The following ADAMTS4 variants were observed in gnomAD, a reference collection of about 807,000 sequenced individuals.
The protein encoded by ADAMTS4 is ADAM metallopeptidase with thrombospondin type 1 motif 4.
ADAMTS4 carries 38 observed loss-of-function variants against 66.7 expected under a neutral mutation model. That is an observed-to-expected ratio of 0.57 (90% CI 0.44 to 0.75). ADAMTS4 has a LOEUF of 0.75. Among genes scored for constraint, ADAMTS4 ranks in the 30% least tolerant of loss-of-function variants. The pLI is 0.00. For synonymous variants in ADAMTS4, 418 were observed against 461.5 expected, an observed-to-expected ratio of 0.91 and a Z score of 1.21; for missense variants, 1,014 against 1,116.7, an observed-to-expected ratio of 0.91 and a Z score of 1.31.
rs199819346 is a variant in ADAMTS4, at chr1:161,193,318, C to T, written c.1806G>A (p.Gly602=). 623 of 1,613,982 alleles carry T rather than the reference C, an allele frequency of 3.9e-4. 2 individuals carry two copies. Among genetic ancestry groups the T allele is most frequent in the Middle Eastern group, 6.6e-4 (4 of 6,058 alleles). ...TGTAGCGAGGAACCCAGTCCATGGG[C>T]CCTGGGAAGCTCTTGAAGAGGTCGG... is the stretch of plus-strand genomic sequence containing the variant. ...HRTDLFKSFP[G]PMDWVPRYTG... is the part of the protein sequence containing the mutation. Residue 602 remains glycine (G), a synonymous_variant, in exon 7 of 9, where the codon GGG becomes GGA. Coordinates refer to ENST00000367996, the MANE Select transcript of ADAMTS4 (RefSeq NM_005099.6). The surrounding 1 kb of genome is among the most constrained non-coding windows in gnomAD (Gnocchi z 4.4).
At position 161,185,944 on chromosome 1, in the gene ADAMTS4, C is replaced by G. The variant is rs760944250; in HGVS notation, c.*5194G>C. ...ATTGCTTCAACTTCCTCCCCCACCT[C>G]AAACACATACTCATGCACAACACTT... On this transcript the variant is annotated 3_prime_UTR_variant, in exon 9 of 9. Transcript: ENST00000367996. The G allele has an allele frequency of 6.6e-6, 1 of 152,264 alleles. No individual in the cohort carries two copies. Among genetic ancestry groups the G allele is most frequent in the Non-Finnish European group, 1.5e-5 (1 of 68,058 alleles). The allele number at this position is 152,264 out of a possible 1,614,324, so 9.4% of individuals were successfully genotyped here. A position where few individuals can be genotyped will look rare whatever the true frequency, so the allele number is the denominator to read the frequency against.
At chr1:161,197,023 G>A in intron 1 of ADAMTS4, 143 bp from the exon 2 acceptor site, 2 of 782,228 alleles carry the variant, frequency 2.6e-6, no homozygotes, top group Non-Finnish European at 4.0e-6. Flanking sequence ...CCTGACTCCT[G>A]GCGGGTCTTG....
chr1:161,194,312 T>A lies in ADAMTS4; in HGVS notation c.1262-91A>T, dbSNP rs1309558767. The A allele has an allele frequency of 3.2e-6, 4 of 1,258,730 alleles. No homozygotes were observed. Among genetic ancestry groups the A allele is most frequent in the Non-Finnish European group, 4.4e-6 (4 of 900,880 alleles). The allele number at this position is 1,258,730 out of a possible 1,614,324, so 78.0% of individuals were successfully genotyped here. On this transcript the variant is annotated intron_variant, in intron 4 of 8. Transcript: ENST00000367996. The surrounding 1 kb of genome is among the most constrained non-coding windows in gnomAD (Gnocchi z 4.1). Reference sequence around the variant, plus strand: ...AAAGCTTAGGCTCCCTGGGGCCTGATGGAGCCTAGAAAAACAATCCTAGGA... The same window carrying A: ...AAAGCTTAGGCTCCCTGGGGCCTGAAGGAGCCTAGAAAAACAATCCTAGGA...
In ADAMTS4 at chr1:161,193,906, T is replaced by C. The variant is rs764636689; in HGVS notation, c.1548+29A>G. ...GGCCAGTCCCCACACCCCCGGGCCC[T>C]TTACCCCACCCCTGCCCTAGGATCT... On this transcript the variant is annotated intron_variant, in intron 5 of 8. Coordinates refer to ENST00000367996, the MANE Select transcript of ADAMTS4 (RefSeq NM_005099.6). This position sits in a 1 kb window ranked among gnomAD's most constrained non-coding sequence, Gnocchi z 4.4. 1.3e-6 allele frequency: 2 copies of C among 1,562,114 alleles called. No individual in the cohort carries two copies. Among genetic ancestry groups the C allele is most frequent in the Non-Finnish European group, 1.7e-6 (2 of 1,151,788 alleles).
In ADAMTS4 at chr1:161,196,169, A is replaced by C; in HGVS notation, c.1090+2T>G. On this transcript the variant is annotated splice_donor_variant, in intron 3 of 8. Coordinates refer to ENST00000367996, the MANE Select transcript of ADAMTS4 (RefSeq NM_005099.6). LOFTEE classifies it high-confidence loss of function. ...TACCTTTCTCATCCACCCCTACTTT[A>C]CCCAGTTCATGAGCAGCAGTGAAGG... is the stretch of plus-strand genomic sequence containing the variant. 2 of 1,582,082 alleles carry C rather than the reference A, an allele frequency of 1.3e-6. No homozygotes were observed. Among genetic ancestry groups the C allele is most frequent in the Non-Finnish European group, 1.7e-6 (2 of 1,164,878 alleles).
At chr1:161,191,938 T>G in intron 8 of ADAMTS4, 127 bp downstream of exon 8, 4 of 1,167,664 alleles carry the variant, frequency 3.4e-6, no homozygotes, top group Non-Finnish European at 4.9e-6. Flanking sequence ...GCACTGTAGC[T>G]GCCTACTCGT....
At chr1:161,195,198 C>T (rs1664781041) in intron 4 of ADAMTS4, among the ~76,000 whole-genome samples, 2 of 152,230 alleles carry the variant, frequency 1.3e-5, no homozygotes, top group Admixed American at 1.3e-4. Context: ...TCATAGCCAG[C>T]CCATTCCAGT....
At chr1:161,191,666 C>T in intron 8 of ADAMTS4, 102 bp from the exon 9 acceptor site, 3 of 1,222,326 alleles carry the variant, frequency 2.5e-6, no homozygotes, top group Non-Finnish European at 3.4e-6. Context: ...GTGTAGATGG[C>T]TGTCACCCAA....
Position 161,184,537 on chromosome 1 carries a change from C to T in ADAMTS4, c.*6601G>A, listed in dbSNP as rs1208392595. On this transcript the variant is annotated 3_prime_UTR_variant, in exon 9 of 9. Coordinates refer to ENST00000367996, the MANE Select transcript of ADAMTS4 (RefSeq NM_005099.6). ...TTGACTCCAAAAATCCATGTCCTTT[C>T]CACATGCTGTGGAATGTTTACAATG... The T allele has an allele frequency of 6.6e-6, 1 of 152,204 alleles. No individual in the cohort carries two copies. 9.4% of individuals were successfully genotyped at this position (152,204 alleles called of 1,614,324 possible). A position where few individuals can be genotyped will look rare whatever the true frequency, so the allele number is the denominator to read the frequency against.
At position 161,191,347 on chromosome 1, in the gene ADAMTS4, C is replaced by G. The variant is rs761401967; in HGVS notation, c.2305G>C (p.Glu769Gln). ...AGTGGCCCATGGCCTGACAGTGTCT[C>G]TGAGGCTGCAGTGGCCCCGCTGTAG... ...LRYSGATAAS[E>Q]TLSGHGPLAQ... Residue 769 changes from glutamate to glutamine, a missense_variant, in exon 9 of 9, where the codon GAG becomes CAG. Physicochemically the swap from Glu to Gln is conservative, Grantham distance 29. Coordinates refer to ENST00000367996, the MANE Select transcript of ADAMTS4 (RefSeq NM_005099.6). 2.5e-6 allele frequency: 4 copies of G among 1,613,912 alleles called. No homozygotes were observed. Among genetic ancestry groups the G allele is most frequent in the Non-Finnish European group, 2.5e-6 (3 of 1,180,038 alleles).
chr1:161,191,034 C>T lies in ADAMTS4; in HGVS notation c.*104G>A. ...GAGGGGCAGGTCTCACGCCCACAGC[C>T]CCTCCCCACTGAGTCTTAGCATGAG... On this transcript the variant is annotated 3_prime_UTR_variant, in exon 9 of 9. Coordinates refer to ENST00000367996, the MANE Select transcript of ADAMTS4 (RefSeq NM_005099.6). 2.2e-6 allele frequency: 3 copies of T among 1,336,338 alleles called. No homozygotes were observed. Among genetic ancestry groups the T allele is most frequent in the Non-Finnish European group, 3.0e-6 (3 of 992,932 alleles). 82.8% of individuals were successfully genotyped at this position (1,336,338 alleles called of 1,614,324 possible). A position where few individuals can be genotyped will look rare whatever the true frequency, so the allele number is the denominator to read the frequency against.
At position 161,191,302 on chromosome 1, in the gene ADAMTS4, G is replaced by T; in HGVS notation, c.2350C>A (p.Gln784Lys). ...TGGGGGTTGCCAGCCACTAGGACTT[G>T]CAGTGTCAAAGGCTGGGCCAGTGGC... ...HGPLAQPLTLQVLVAGNPQDT... is the reference protein window; with the variant it reads ...HGPLAQPLTLKVLVAGNPQDT... The change falls in exon 9 of 9, where the codon CAA (glutamine) becomes AAA (lysine). Residue 784 changes from glutamine (Q) to lysine (K), a missense_variant. Gln to Lys is a moderately conservative substitution (Grantham distance 53). Transcript: ENST00000367996. 1.2e-6 allele frequency: 2 copies of T among 1,613,966 alleles called. No homozygotes were observed.
chr1:161,193,634 C>T lies in ADAMTS4; in HGVS notation c.1735+6G>A, dbSNP rs1235397681. On this transcript the variant is annotated splice_donor_region_variant and intron_variant, in intron 6 of 8. Transcript: ENST00000367996. The surrounding 1 kb of genome is among the most constrained non-coding windows in gnomAD (Gnocchi z 4.4). ...CCCAAGGGCTCCCATCCCCCCTACT[C>T]CTCACCTGAGCCAGTTGGGCAGTCC... 1.9e-5 allele frequency: 30 copies of T among 1,605,732 alleles called. No individual in the cohort carries two copies. The highest frequency in any genetic ancestry group is 2.5e-5 in the Non-Finnish European group (29 of 1,175,358).
In ADAMTS4 at chr1:161,196,651, G is replaced by C. The variant is rs1249974188; in HGVS notation, c.863C>G (p.Thr288Ser). 1.2e-6 allele frequency: 2 copies of C among 1,614,176 alleles called. No individual in the cohort carries two copies. The highest frequency in any genetic ancestry group is 1.7e-6 in the Non-Finnish European group (2 of 1,180,032). Residue 288 changes from threonine to serine, a missense_variant, in exon 2 of 9, where the codon ACC (threonine) becomes AGC (serine). Physicochemically the swap from Thr to Ser is moderately conservative, Grantham distance 58. Coordinates refer to ENST00000367996, the MANE Select transcript of ADAMTS4 (RefSeq NM_005099.6). The stretch of plus-strand genomic sequence containing the variant: ...CTGCCAGGCACAGAAGCTGCGCAGG[G>C]TCTGGGCAGCACTGGGCCCCACTTG... ...GPQVGPSAAQ[T>S]LRSFCAWQRG...
At position 161,198,410 on chromosome 1, in the gene ADAMTS4, G is replaced by A; in HGVS notation, c.218C>T (p.Pro73Leu). The change falls in exon 1 of 9, where the codon CCT becomes CTT. Residue 73 changes from proline to leucine, a missense_variant. Physicochemically the swap from Pro to Leu is moderately conservative, Grantham distance 98. Transcript: ENST00000367996. The surrounding 1 kb of genome is among the most constrained non-coding windows in gnomAD (Gnocchi z 4.7). Reference protein sequence around the residue: ...FPEKLNGSVLPGSGAPARLLC... With the variant: ...FPEKLNGSVLLGSGAPARLLC... ...CAGCCTGGCAGGGGCGCCCGAGCCA[G>A]GCAGGACGCTGCCGTTGAGCTTCTC... The A allele has an allele frequency of 6.2e-7, 1 of 1,605,932 alleles. No individual in the cohort carries two copies. The highest frequency in any genetic ancestry group is 2.3e-5 in the East Asian group (1 of 44,344).
rs1198110376 is a variant in ADAMTS4 at position 161,184,733 on chromosome 1, T to C, written c.*6405A>G. On this transcript the variant is annotated 3_prime_UTR_variant, in exon 9 of 9. Coordinates refer to ENST00000367996, the MANE Select transcript of ADAMTS4 (RefSeq NM_005099.6). ...TTGCATCTATATTATCAACAGAATG[T>C]GTTGGCCAGGCACCCTGGCTCACAC... 1 of 152,168 alleles carries C rather than the reference T, an allele frequency of 6.6e-6. No homozygotes were observed. Among genetic ancestry groups the C allele is most frequent in the Non-Finnish European group, 1.5e-5 (1 of 68,032 alleles). 9.4% of individuals were successfully genotyped at this position (152,168 alleles called of 1,614,324 possible).
In ADAMTS4 at chr1:161,194,679, G is replaced by A. The variant is rs1016726460; in HGVS notation, c.1262-458C>T. On this transcript the variant is annotated intron_variant, in intron 4 of 8. Coordinates refer to ENST00000367996, the MANE Select transcript of ADAMTS4 (RefSeq NM_005099.6). This position sits in a 1 kb window ranked among gnomAD's most constrained non-coding sequence, Gnocchi z 4.1. ...ATTGGGATTACAGGTGTAAGCCACT[G>A]TGCCTAGCCCTGTAAGAGGCTTTAA... Among the ~76,000 whole-genome samples the A allele has an allele frequency of 6.6e-6, 1 of 152,212 alleles. No homozygotes were observed. The highest frequency in any genetic ancestry group is 2.4e-5 in the African/African-American group (1 of 41,448).
rs1664757385 is a variant in ADAMTS4 at position 161,194,157 on chromosome 1, G to C, written c.1326C>G (p.Asp442Glu). 1.2e-6 allele frequency: 2 copies of C among 1,614,206 alleles called. No individual in the cohort carries two copies. The highest frequency in any genetic ancestry group is 1.7e-6 in the Non-Finnish European group (2 of 1,180,028). Residue 442 changes from aspartate (D) to glutamate (E), a missense_variant, in exon 5 of 9, where the codon GAC (aspartate) becomes GAG (glutamate). Coordinates refer to ENST00000367996, the MANE Select transcript of ADAMTS4 (RefSeq NM_005099.6). This position sits in a 1 kb window ranked among gnomAD's most constrained non-coding sequence, Gnocchi z 4.1. ...GCTGGCACTGGCGGTCAGCATCATA[G>C]TCCTTGCCAGGGAAAGTCACAGGCA... ...LHLPVTFPGKDYDADRQCQLT... is the reference protein window; with the variant it reads ...LHLPVTFPGKEYDADRQCQLT...
Position 161,198,577 on chromosome 1 carries a change from C to G in ADAMTS4, c.51G>C (p.Leu17=). ...GCAGGAGGCAGGGTTGGGCTCCCCA[C>G]AGCCAGCGCCCTGCCAAGCCCCTCC... The part of the protein sequence containing the change: ...HPGRGLAGRW[L]WGAQPCLLLP... The change falls in exon 1 of 9, where the codon CTG becomes CTC. Residue 17 remains leucine (L), a synonymous_variant. Coordinates refer to ENST00000367996, the MANE Select transcript of ADAMTS4 (RefSeq NM_005099.6). This position sits in a 1 kb window ranked among gnomAD's most constrained non-coding sequence, Gnocchi z 4.7. The G allele has an allele frequency of 1.3e-6, 2 of 1,548,230 alleles. No homozygotes were observed. The highest frequency in any genetic ancestry group is 8.7e-7 in the Non-Finnish European group (1 of 1,146,320).
Sources: allele counts gnomAD v4.1 joint callset (sites outside exome capture counted in the v4.1 genomes callset), GRCh38; gene constraint gnomAD v4.1.1; non-coding constraint Gnocchi (gnomAD v3.1); transcripts MANE v1.5; gene names NCBI Gene and HGNC (gene_info 2026-07-23, HGNC 2026-07-21).